Variants in MARK2 observed in about 807,000 individuals in gnomAD.
MARK2 encodes microtubule affinity regulating kinase 2.
Under a neutral mutation model 89.8 loss-of-function variants are expected in MARK2, and 16 were observed. The observed-to-expected ratio is 0.18, with a 90% CI of 0.12 to 0.27. The LOEUF (loss-of-function observed/expected upper bound fraction) is 0.27. Among genes scored for constraint, MARK2 ranks in the 10% least tolerant of loss-of-function variants. The probability of loss-of-function intolerance (pLI) is 1.00; values close to 1 mark genes in which losing one functional copy is unlikely to be tolerated. For missense variants in MARK2, 621 were observed against 1,049.9 expected (o/e 0.59, Z 5.65); for synonymous variants, 382 against 399.5 (o/e 0.96, Z 0.52).
At chr11:63,898,128 C>T (rs1940570354) in intron 3 of MARK2, 104 bp from the exon 4 acceptor site, 2 of 913,246 alleles carry the variant, frequency 2.2e-6, no homozygotes, top group Non-Finnish European at 1.8e-6. Context: ...TTTTCCCTGC[C>T]CGGTTTTGGT....
chr11:63,908,291 G>C lies in MARK2; in HGVS notation c.1993G>C (p.Val665Leu), dbSNP rs758758147. The C allele has an allele frequency of 1.3e-6, 2 of 1,564,556 alleles. No individual in the cohort carries two copies. Among genetic ancestry groups the C allele is most frequent in the East Asian group, 4.7e-5 (2 of 42,206 alleles). ...GAATGAACCTGAAAGCAAAGACCGA[G>C]TGGAGACGCTCAGGTGAGAGGGCTG... The part of the protein sequence containing the change: ...NLNEPESKDR[V>L]ETLRPHVVGS... Residue 665 changes from valine to leucine, a missense_variant, in exon 18 of 19, where the codon GTG becomes CTG. By Grantham distance (32) the Val-to-Leu change is conservative (BLOSUM62 1). Coordinates refer to ENST00000402010, the MANE Select transcript of MARK2 (RefSeq NM_001039469.3).
At chr11:63,871,377 C>T (rs575447029) in intron 1 of MARK2, among the ~76,000 whole-genome samples, 263 of 150,320 alleles carry the variant, frequency 1.7e-3, no homozygotes, top group African/African-American at 6.1e-3. Flanking sequence ...AGAGTATTCA[C>T]CGTGTGCAGG....
chr11:63,883,649 G>A (rs1008251640), intron 1 of MARK2, among the ~76,000 whole-genome samples: 4 of 151,156 alleles, frequency 2.6e-5, no homozygotes, highest in Admixed American at 6.6e-5. Flanking sequence ...GTGTGATCAC[G>A]GCTCACTGCA....
chr11:63,875,202 C>T (rs1448832022), intron 1 of MARK2, among the ~76,000 whole-genome samples: 1 of 150,624 alleles, frequency 6.6e-6, no homozygotes, highest in Non-Finnish European at 1.5e-5. Context: ...CTCACTACAG[C>T]CTCAGCCTCC....
chr11:63,848,856 C>T (rs553861609), intron 1 of MARK2, among the ~76,000 whole-genome samples: 6 of 150,812 alleles, frequency 4.0e-5, no homozygotes, highest in South Asian at 2.1e-4. Context: ...CCACCGTGCC[C>T]GGCTGTAACA....
intron 1 of MARK2, among the ~76,000 whole-genome samples, chr11:63,856,315 T>G (rs899716457): frequency 2.9e-5 from 3 of 103,614 alleles, no homozygotes; most frequent in African/African-American, 6.4e-5. Flanking sequence ...TGGGTTTTTT[T>G]TTTTTGTTTT....
chr11:63,897,015 C>CG (rs1940464609), intron 3 of MARK2, among the ~76,000 whole-genome samples: 2 of 152,212 alleles, frequency 1.3e-5, no homozygotes, highest in Admixed American at 6.5e-5. Context: ...CCTTTTGAGA[C>CG]TCTTTGTTAC....
intron 1 of MARK2, among the ~76,000 whole-genome samples, chr11:63,879,889 G>T (rs1370771836): frequency 1.3e-5 from 2 of 152,104 alleles, no homozygotes; most frequent in African/African-American, 4.8e-5. Flanking sequence ...GAGGAGTAGG[G>T]AGGCAGTATT....
chr11:63,898,579 G>C, intron 4 of MARK2, 29 bp from the exon 5 acceptor site: 1 of 1,583,902 alleles, frequency 6.3e-7, no homozygotes. Context: ...GTTGCTTCTT[G>C]ACTTAAGGCT....
chr11:63,904,954 G>T lies in MARK2; in HGVS notation c.1845G>T (p.Val615=). The change falls in exon 16 of 19, where the codon GTG becomes GTT. Residue 615 remains valine (V), a synonymous_variant. Coordinates refer to ENST00000402010, the MANE Select transcript of MARK2 (RefSeq NM_001039469.3). This position sits in a 1 kb window ranked among gnomAD's most constrained non-coding sequence, Gnocchi z 6.3. ...ACCAGCAGAATTTGCCCTACGGTGT[G>T]ACCCCAGCCTCTCCCTCTGGCCACA... ...VRDQQNLPYG[V]TPASPSGHSQ... The T allele has an allele frequency of 6.2e-7, 1 of 1,614,206 alleles. No individual in the cohort carries two copies. Among genetic ancestry groups the T allele is most frequent in the Non-Finnish European group, 8.5e-7 (1 of 1,180,038 alleles).
Position 63,856,503 on chromosome 11 carries a change from G to A in MARK2, c.54+16943G>A, listed in dbSNP as rs572672997. Among the ~76,000 whole-genome samples, 4 of 148,410 alleles carry A rather than the reference G, an allele frequency of 2.7e-5. No homozygotes were observed. In the East Asian group the frequency reaches 8.1e-4, roughly 30 times the overall value. On this transcript the variant is annotated intron_variant, in intron 1 of 18. Transcript: ENST00000402010. ...AGTGGCGTGATCTCAGCTCATTGCA[G>A]CCTTGACCTCTCCAGGCTCAGTTGA...
intron 1 of MARK2, chr11:63,868,525 A>G (rs1465306532): frequency 1.6e-5 from 5 of 307,696 alleles, no homozygotes. Context: ...CAGGATGAGA[A>G]GATGAGGGAG....
At chr11:63,859,001 T>C (rs2135232766) in intron 1 of MARK2, among the ~76,000 whole-genome samples, 1 of 152,328 alleles carries the variant, frequency 6.6e-6, no homozygotes, top group Non-Finnish European at 1.5e-5. Context: ...GTTTTTTTAT[T>C]CCATTAAAAA....
chr11:63,850,273 C>T (rs2016503437), intron 1 of MARK2, among the ~76,000 whole-genome samples: 1 of 151,672 alleles, frequency 6.6e-6, no homozygotes, highest in Admixed American at 6.6e-5. Context: ...CTCAGCCTCC[C>T]AAGTAGCTGG....
At chr11:63,857,886 G>A (rs369274273) in intron 1 of MARK2, among the ~76,000 whole-genome samples, 1 of 151,670 alleles carries the variant, frequency 6.6e-6, no homozygotes, top group Non-Finnish European at 1.5e-5. Flanking sequence ...TCTGTCACCC[G>A]GGTTAGAGTG....
chr11:63,864,836 C>T (rs1289279168), intron 1 of MARK2, among the ~76,000 whole-genome samples: 2 of 151,994 alleles, frequency 1.3e-5, no homozygotes, highest in African/African-American at 2.4e-5. Context: ...CAAAGCAAGA[C>T]TCCATCTCTA....
intron 1 of MARK2, chr11:63,869,147 T>C: frequency 3.3e-6 from 1 of 298,674 alleles, no homozygotes; most frequent in Non-Finnish European, 6.7e-6. Flanking sequence ...ACCAGCTGTG[T>C]GGGGTGGTGG....
intron 1 of MARK2, among the ~76,000 whole-genome samples, chr11:63,846,300 T>C (rs1221008801): frequency 6.6e-6 from 1 of 151,932 alleles, no homozygotes; most frequent in Non-Finnish European, 1.5e-5. Flanking sequence ...GAGGATCACT[T>C]GAGCCCAGGA....
At chr11:63,886,128 CAA>C (rs569957748) in intron 1 of MARK2, among the ~76,000 whole-genome samples, 39 of 116,178 alleles carry the variant, frequency 3.4e-4, no homozygotes, top group Admixed American at 8.0e-4. Context: ...GACTCTATCT[CAA>C]AAAAAAAAAA....
Sources: allele counts gnomAD v4.1 joint callset (sites outside exome capture counted in the v4.1 genomes callset), GRCh38; gene constraint gnomAD v4.1.1; non-coding constraint Gnocchi (gnomAD v3.1); transcripts MANE v1.5; gene names NCBI Gene and HGNC (gene_info 2026-07-23, HGNC 2026-07-21).